PRKG1: variants seen among roughly 807,000 people sequenced by gnomAD.
The protein encoded by PRKG1 is cGMP-dependent protein kinase 1.
Under a neutral mutation model 88.1 loss-of-function variants are expected in PRKG1, and 35 were observed. The observed-to-expected ratio is 0.40, with a 90% confidence interval of 0.30 to 0.53. PRKG1 has a LOEUF of 0.53. PRKG1 is among the 20% of genes least tolerant of loss of function. PRKG1 has a pLI of 0.59. For synonymous variants in PRKG1, 303 were observed against 292.5 expected (o/e 1.04, Z -0.37); for missense variants, 540 against 839.8 (o/e 0.64, Z 4.41).
At chr10:51,803,592 T>C (rs1025163115) in intron 3 of PRKG1, among the ~76,000 whole-genome samples, 1 of 152,120 alleles carries the variant, frequency 6.6e-6, no homozygotes, top group Non-Finnish European at 1.5e-5. Context: ...GGCTTAGTCT[T>C]GAGAACTGTG....
intron 4 of PRKG1, among the ~76,000 whole-genome samples, chr10:51,810,650 G>A (rs1464760503): frequency 1.3e-5 from 2 of 152,086 alleles, no homozygotes; most frequent in East Asian, 1.9e-4. Context: ...CCAACATATT[G>A]TTAAATAAAT....
intron 4 of PRKG1, among the ~76,000 whole-genome samples, chr10:51,890,639 G>T (rs1841696105): frequency 6.6e-6 from 1 of 152,168 alleles, no homozygotes; most frequent in Admixed American, 6.5e-5. Flanking sequence ...GATTAAAAAT[G>T]ATATTAGAGA....
intron 1 of PRKG1, among the ~76,000 whole-genome samples, chr10:51,134,464 T>C (rs958659534): frequency 1.3e-5 from 2 of 152,206 alleles, no homozygotes; most frequent in South Asian, 2.1e-4. Context: ...GTAGTACTTA[T>C]TGTGATACCA....
intron 9 of PRKG1, among the ~76,000 whole-genome samples, chr10:52,194,707 T>C (rs1839461401): frequency 6.6e-6 from 1 of 152,258 alleles, no homozygotes; most frequent in Admixed American, 6.5e-5. Flanking sequence ...TAGCTATCAA[T>C]GCTAAGAAAT....
At position 52,199,251 on chromosome 10, in the gene PRKG1, T is replaced by G. The variant is rs190565576; in HGVS notation, c.1076+37288T>G. On this transcript the variant is annotated intron_variant, in intron 9 of 17. Coordinates refer to ENST00000373980, the MANE Select transcript of PRKG1 (RefSeq NM_006258.4). ...TAAAGACTACTAGGTACTTAATGTA[T>G]TATCCTCCCTATCGTATTATCCTCC... Among the ~76,000 whole-genome samples the G allele has an allele frequency of 1.7e-3, 252 of 152,276 alleles. 2 individuals are homozygous for G. The highest frequency in any genetic ancestry group is 5.8e-3 in the African/African-American group (240 of 41,546).
chr10:51,229,006 A>G (rs1446134890), intron 2 of PRKG1, among the ~76,000 whole-genome samples: 1 of 151,960 alleles, frequency 6.6e-6, no homozygotes, highest in African/African-American at 2.4e-5. Flanking sequence ...ACCTTTTTCC[A>G]CTACTCACTC....
chr10:51,116,053 TG>T (rs1274941664), intron 1 of PRKG1, among the ~76,000 whole-genome samples: 1 of 152,080 alleles, frequency 6.6e-6, no homozygotes. Context: ...GGAAAAGTAC[TG>T]GGCTTTCACT....
intron 3 of PRKG1, among the ~76,000 whole-genome samples, chr10:51,785,123 TC>T (rs1277239683): frequency 2.1e-5 from 3 of 142,730 alleles, no homozygotes; most frequent in Non-Finnish European, 4.5e-5. Flanking sequence ...GATTTCTTCT[TC>T]TTTTTTTTTT....
At chr10:52,144,790 C>G (rs964884919) in intron 8 of PRKG1, among the ~76,000 whole-genome samples, 3 of 152,004 alleles carry the variant, frequency 2.0e-5, no homozygotes, top group Non-Finnish European at 4.4e-5. Context: ...GTACTCCACC[C>G]TGGGCGACCG....
chr10:51,595,086 C>T (rs1838409503), intron 3 of PRKG1, among the ~76,000 whole-genome samples: 1 of 152,138 alleles, frequency 6.6e-6, no homozygotes, highest in Non-Finnish European at 1.5e-5. Context: ...GTGGCTCAAG[C>T]CTGTAACCCC....
chr10:51,534,106 A>G (rs1268854856), intron 3 of PRKG1, among the ~76,000 whole-genome samples: 5 of 152,208 alleles, frequency 3.3e-5, no homozygotes, highest in Non-Finnish European at 7.3e-5. Flanking sequence ...GCAGAAGTCT[A>G]CAATCCTAGT....
intron 1 of PRKG1, among the ~76,000 whole-genome samples, chr10:51,128,284 G>A (rs139801028): frequency 7.9e-5 from 12 of 152,006 alleles, no homozygotes; most frequent in East Asian, 1.9e-4. Context: ...AGAGTTGCAC[G>A]TATAGCAAAC....
intron 2 of PRKG1, among the ~76,000 whole-genome samples, chr10:51,323,765 G>A (rs963801461): frequency 2.6e-5 from 4 of 152,102 alleles, no homozygotes; most frequent in African/African-American, 9.7e-5. Context: ...AGCTAAGATG[G>A]GTCTAGAGAC....
chr10:51,151,412 A>G (rs958179924), intron 1 of PRKG1, among the ~76,000 whole-genome samples: 3 of 152,022 alleles, frequency 2.0e-5, no homozygotes, highest in African/African-American at 7.2e-5. Context: ...CGGTCTTCAC[A>G]TATAAACCTA....
At chr10:51,576,143 G>A (rs1397042602) in intron 3 of PRKG1, among the ~76,000 whole-genome samples, 2 of 151,944 alleles carry the variant, frequency 1.3e-5, no homozygotes, top group Admixed American at 6.6e-5. Flanking sequence ...CCATGGTCAC[G>A]CACTTTGTAG....
intron 3 of PRKG1, among the ~76,000 whole-genome samples, chr10:51,661,637 T>C (rs1202631950): frequency 6.6e-6 from 1 of 152,204 alleles, no homozygotes; most frequent in Non-Finnish European, 1.5e-5. Flanking sequence ...GGTGGGAGTC[T>C]AAACTAGTTC....
intron 3 of PRKG1, among the ~76,000 whole-genome samples, chr10:51,524,661 T>G (rs1194838794): frequency 1.3e-5 from 2 of 152,202 alleles, no homozygotes; most frequent in African/African-American, 4.8e-5. Flanking sequence ...AAGCCCACAA[T>G]TCCATTCTGC....
chr10:51,077,241 G>A (rs181707781), intron 1 of PRKG1, among the ~76,000 whole-genome samples: 60 of 152,242 alleles, frequency 3.9e-4, no homozygotes, highest in African/African-American at 1.4e-3. Context: ...TTGATTACAC[G>A]GACTTACTGG....
chr10:52,035,292 G>A (rs1845577636), intron 5 of PRKG1, among the ~76,000 whole-genome samples: 1 of 152,068 alleles, frequency 6.6e-6, no homozygotes, highest in African/African-American at 2.4e-5. Flanking sequence ...GTCCTGGGTG[G>A]GGCAAATCCT....
Sources: gnomAD v4.1 joint callset for allele counts (sites outside exome capture counted in the v4.1 genomes callset) on GRCh38, gnomAD v4.1.1 for gene constraint, MANE v1.5 for transcripts, NCBI Gene and HGNC (gene_info 2026-07-23, HGNC 2026-07-21) for gene names.